GCH1: variants seen among roughly 807,000 people sequenced by gnomAD.
The protein encoded by GCH1 is GTP cyclohydrolase 1.
In GCH1, 5 loss-of-function variants were observed where a neutral mutation model predicts 25.9. The ratio of observed to expected loss-of-function variants is 0.19; its 90% CI spans 0.10 to 0.41. The LOEUF is 0.41. Ranked by LOEUF, GCH1 falls within the 10% of genes least tolerant of loss-of-function variation. GCH1 has a pLI of 1.00. For synonymous variants in GCH1, 159 were observed against 129.6 expected, an observed-to-expected ratio of 1.23 and a Z score of -1.54; for missense variants, 261 against 336.5, an observed-to-expected ratio of 0.78 and a Z score of 1.75.
chr14:54,875,330 G>A (rs545159038), intron 1 of GCH1, among the ~76,000 whole-genome samples: 2 of 152,162 alleles, frequency 1.3e-5, no homozygotes, highest in African/African-American at 4.8e-5. Flanking sequence ...ATTCAAGATG[G>A]ATTAAACACT....
intron 1 of GCH1, among the ~76,000 whole-genome samples, chr14:54,866,414 CT>C (rs2140075636): frequency 6.6e-6 from 1 of 151,914 alleles, no homozygotes; most frequent in South Asian, 2.1e-4. Context: ...AGAAAAGAAG[CT>C]ACAAAGAAAT....
chr14:54,845,469 C>T (rs2039628117), intron 5 of GCH1, among the ~76,000 whole-genome samples: 2 of 148,910 alleles, frequency 1.3e-5, no homozygotes, highest in East Asian at 1.9e-4. Context: ...CAGAGTGAGG[C>T]TCCATCTCAA....
At chr14:54,885,451 C>G (rs146921271) in intron 1 of GCH1, 100 of 224,974 alleles carry the variant, frequency 4.4e-4, no homozygotes, top group African/African-American at 2.1e-3. Flanking sequence ...CTCTCAGCAA[C>G]AGAGCTTCAA....
At chr14:54,874,277 T>A (rs1341681719) in intron 1 of GCH1, among the ~76,000 whole-genome samples, 2 of 152,208 alleles carry the variant, frequency 1.3e-5, no homozygotes, top group Admixed American at 1.3e-4. Flanking sequence ...AAAAGTCCTG[T>A]GACAAAATTC....
At chr14:54,897,992 C>T (rs958265020) in intron 1 of GCH1, among the ~76,000 whole-genome samples, 5 of 152,190 alleles carry the variant, frequency 3.3e-5, no homozygotes, top group African/African-American at 1.2e-4. Flanking sequence ...CTAGGCTACA[C>T]GGTAGAGCCT....
At chr14:54,850,132 C>G (rs1301866667) in intron 3 of GCH1, among the ~76,000 whole-genome samples, 1 of 151,906 alleles carries the variant, frequency 6.6e-6, no homozygotes, top group Non-Finnish European at 1.5e-5. Flanking sequence ...TGCCACCACA[C>G]CCAGCTAATT....
intron 1 of GCH1, among the ~76,000 whole-genome samples, chr14:54,897,735 A>T (rs1356919228): frequency 6.6e-6 from 1 of 152,198 alleles, no homozygotes; most frequent in Non-Finnish European, 1.5e-5. Context: ...TACCAGCTCT[A>T]CTACTTGTGT....
intron 1 of GCH1, among the ~76,000 whole-genome samples, chr14:54,880,165 C>A (rs2040225605): frequency 6.7e-6 from 1 of 149,684 alleles, no homozygotes; most frequent in African/African-American, 2.4e-5. Context: ...AGTTAGGGAC[C>A]AAATTCAGTA....
At chr14:54,898,618 T>G (rs866770691) in intron 1 of GCH1, among the ~76,000 whole-genome samples, 14 of 152,314 alleles carry the variant, frequency 9.2e-5, no homozygotes, top group Middle Eastern at 6.8e-3. Flanking sequence ...ATTTTTATTT[T>G]TATTTATTTA....
intron 1 of GCH1, among the ~76,000 whole-genome samples, chr14:54,870,561 C>T (rs1288752784): frequency 1.3e-5 from 2 of 152,152 alleles, no homozygotes; most frequent in African/African-American, 2.4e-5. Flanking sequence ...GTCACCTCAC[C>T]CGGGAAGCAC....
In GCH1 at chr14:54,842,232, A is replaced by G. The variant is rs1290051948; in HGVS notation, c.*1785T>C. ...CAAAGTCATTACTTTGCATTTACTAATAAGACAACAGCCTGTGGATACATT... is the reference window on the plus strand; with the variant it reads ...CAAAGTCATTACTTTGCATTTACTAGTAAGACAACAGCCTGTGGATACATT... On this transcript the variant is annotated 3_prime_UTR_variant, in exon 6 of 6. Coordinates refer to ENST00000491895, the MANE Select transcript of GCH1 (RefSeq NM_000161.3). The G allele has an allele frequency of 1.3e-5, 2 of 152,776 alleles. No individual in the cohort carries two copies. The highest frequency in any genetic ancestry group is 3.9e-4 in the East Asian group (2 of 5,180). 9.5% of individuals were successfully genotyped at this position (152,776 alleles called of 1,614,324 possible).
At chr14:54,895,227 TG>T (rs1229865413) in intron 1 of GCH1, among the ~76,000 whole-genome samples, 1 of 152,234 alleles carries the variant, frequency 6.6e-6, no homozygotes, top group Non-Finnish European at 1.5e-5. Flanking sequence ...GGTGGGGATA[TG>T]ACTCACTGCC....
chr14:54,845,995 T>G (rs1439220064), intron 4 of GCH1, 143 bp from the exon 5 acceptor site: 2 of 680,976 alleles, frequency 2.9e-6, no homozygotes, highest in African/African-American at 1.8e-5. Flanking sequence ...ACCAGACTGC[T>G]TTGTCTGCTG....
chr14:54,889,154 G>A (rs2040393388), intron 1 of GCH1, among the ~76,000 whole-genome samples: 1 of 152,192 alleles, frequency 6.6e-6, no homozygotes, highest in Non-Finnish European at 1.5e-5. Context: ...CATCAGAGAG[G>A]CATACCTCCA....
chr14:54,886,078 T>C (rs1005098534), intron 1 of GCH1: 24 of 179,952 alleles, frequency 1.3e-4, no homozygotes, highest in African/African-American at 5.5e-4. Flanking sequence ...CAGGACCTCT[T>C]TGAGCCAGGT....
chr14:54,898,099 G>C (rs1192474484), intron 1 of GCH1, among the ~76,000 whole-genome samples: 1 of 152,168 alleles, frequency 6.6e-6, no homozygotes, highest in South Asian at 2.1e-4. Context: ...AGATATGTAG[G>C]CCAGGTGGGA....
intron 2 of GCH1, among the ~76,000 whole-genome samples, chr14:54,860,595 C>G (rs2140065194): frequency 6.9e-6 from 1 of 144,842 alleles, no homozygotes; most frequent in Non-Finnish European, 1.5e-5. Flanking sequence ...GGCTGGAGTA[C>G]AGTGGCCCAG....
Position 54,889,711 on chromosome 14 carries a change from C to G in GCH1, c.343+12610G>C, listed in dbSNP as rs2040399792. Among the ~76,000 whole-genome samples the G allele has an allele frequency of 2.0e-5, 3 of 152,166 alleles. No individual in the cohort carries two copies. In the South Asian group the frequency reaches 6.2e-4, roughly 32 times the overall value. On this transcript the variant is annotated intron_variant, in intron 1 of 5. Coordinates refer to ENST00000491895, the MANE Select transcript of GCH1 (RefSeq NM_000161.3). ...ACAAAAAGGACAGTAAAATAAATTA[C>G]AGGAGGAGGGCAGATAATAAAGGCC...
chr14:54,870,695 G>A (rs926829705), intron 1 of GCH1, among the ~76,000 whole-genome samples: 1 of 152,226 alleles, frequency 6.6e-6, no homozygotes, highest in African/African-American at 2.4e-5. Context: ...CACACCAGGA[G>A]ATAATATCCT....
Sources: gnomAD v4.1 joint callset for allele counts (sites outside exome capture counted in the v4.1 genomes callset) on GRCh38, gnomAD v4.1.1 for gene constraint, MANE v1.5 for transcripts, NCBI Gene and HGNC (gene_info 2026-07-23, HGNC 2026-07-21) for gene names.